The following TMEM74 variants were observed in gnomAD, a reference collection of about 807,000 sequenced individuals.
TMEM74 encodes the protein transmembrane protein 74.
A neutral mutation model predicts 18.1 loss-of-function variants in TMEM74; 13 were observed. That is an observed-to-expected ratio of 0.72 (90% CI 0.47 to 1.14). TMEM74 has a LOEUF of 1.14. Ranked by LOEUF, TMEM74 falls within the 50% of genes most tolerant of loss-of-function variation. The pLI is 0.00. For synonymous variants in TMEM74, 159 were observed against 146.6 expected (o/e 1.08, Z -0.61); for missense variants, 372 against 375.9 (o/e 0.99, Z 0.09).
At chr8:108,631,084 GGACATGGGA>G (rs1311909939) in intron 2 of TMEM74, among the ~76,000 whole-genome samples, 9 of 151,974 alleles carry the variant, frequency 5.9e-5, no homozygotes, top group Non-Finnish European at 1.2e-4. Flanking sequence ...AAAGCCACTT[GGACATGGGA>G]AGAACACTAC....
At chr8:108,673,875 T>C (rs1813028063) in intron 1 of TMEM74, among the ~76,000 whole-genome samples, 1 of 152,222 alleles carries the variant, frequency 6.6e-6, no homozygotes, top group Non-Finnish European at 1.5e-5. Flanking sequence ...TACTGGATAG[T>C]ATTTAGCCTA....
At chr8:108,644,734 C>T (rs1812700243) in intron 2 of TMEM74, among the ~76,000 whole-genome samples, 1 of 151,998 alleles carries the variant, frequency 6.6e-6, no homozygotes, top group African/African-American at 2.4e-5. Flanking sequence ...CAGTGGCCAA[C>T]AAACATATGA....
rs565841351 is a variant in TMEM74, at chr8:108,725,251, A to G, written n.119+62225T>C. On this transcript the variant is annotated intron_variant and non_coding_transcript_variant, in intron 1 of 3. Transcript: ENST00000518838. ...AAGAATGTCATCTTGTTTTGTCTTT[A>G]TGATAGCTCTTAGCACTACCAAAAC... is the stretch of plus-strand genomic sequence containing the variant. Among the ~76,000 whole-genome samples, 5 of 152,260 alleles carry G rather than the reference A, an allele frequency of 3.3e-5. No individual in the cohort carries two copies. In the South Asian group the frequency reaches 1.0e-3, roughly 32 times the overall value.
chr8:108,658,208 C>A (rs1178304746), intron 1 of TMEM74, among the ~76,000 whole-genome samples: 1 of 151,854 alleles, frequency 6.6e-6, no homozygotes, highest in Non-Finnish European at 1.5e-5. Flanking sequence ...GGGATTTCAG[C>A]AAATCATACA....
intron 1 of TMEM74, among the ~76,000 whole-genome samples, chr8:108,690,124 G>A (rs1353048806): frequency 6.7e-6 from 1 of 149,768 alleles, no homozygotes; most frequent in African/African-American, 2.4e-5. Flanking sequence ...TATGTATGTA[G>A]TGCTACTCAG....
intron 1 of TMEM74, among the ~76,000 whole-genome samples, chr8:108,685,173 G>A (rs1245119733): frequency 6.6e-6 from 1 of 151,830 alleles, no homozygotes; most frequent in Non-Finnish European, 1.5e-5. Context: ...TTATTCCCAG[G>A]TATTTTGTTT....
At chr8:108,660,687 C>T (rs900456838) in intron 1 of TMEM74, among the ~76,000 whole-genome samples, 5 of 152,118 alleles carry the variant, frequency 3.3e-5, no homozygotes, top group African/African-American at 1.2e-4. Context: ...ATGACTTAAA[C>T]ACATCATTCA....
intron 1 of TMEM74, among the ~76,000 whole-genome samples, chr8:108,736,644 C>G (rs1813752392): frequency 6.6e-6 from 1 of 151,458 alleles, no homozygotes; most frequent in African/African-American, 2.4e-5. Context: ...AGGGAAGACG[C>G]TGTCTCAAAA....
chr8:108,739,925 A>G (rs73309864), intron 1 of TMEM74, among the ~76,000 whole-genome samples: 6,833 of 152,142 alleles, frequency 0.045, 338 homozygotes, highest in African/African-American at 0.12. Flanking sequence ...GGGCCATCGC[A>G]ATCGTGGAGG....
rs1264047137 is a variant in TMEM74, at chr8:108,784,436, A to T, written c.663T>A (p.Ser221Arg). 1 of 1,613,922 alleles carries T rather than the reference A, an allele frequency of 6.2e-7. No homozygotes were observed. Among genetic ancestry groups the T allele is most frequent in the Non-Finnish European group, 8.5e-7 (1 of 1,180,000 alleles). Residue 221 changes from serine to arginine, a missense_variant, in exon 2 of 2, where the codon AGT becomes AGA. Coordinates refer to ENST00000297459, the MANE Select transcript of TMEM74 (RefSeq NM_153015.3). ...GGTCCAGGTGAGCCCCCAGCCTCGC[A>T]CTCTCCTTCTCCAGGCGCTCCATCT... The part of the protein sequence containing the change: ...AREMERLEKE[S>R]ARLGAHLDRC...
At chr8:108,651,107 T>C (rs1586247706) in intron 2 of TMEM74, among the ~76,000 whole-genome samples, 1 of 152,136 alleles carries the variant, frequency 6.6e-6, no homozygotes, top group Non-Finnish European at 1.5e-5. Context: ...TAGCGCTTAC[T>C]ACCATCTAAC....
chr8:108,736,915 T>C (rs1030866082), intron 1 of TMEM74, among the ~76,000 whole-genome samples: 11 of 152,262 alleles, frequency 7.2e-5, no homozygotes, highest in Admixed American at 5.2e-4. Context: ...TATTGCAGCT[T>C]AGGCCAATTT....
intron 2 of TMEM74, among the ~76,000 whole-genome samples, chr8:108,647,655 C>T (rs1394129064): frequency 3.9e-5 from 6 of 152,012 alleles, no homozygotes; most frequent in Non-Finnish European, 7.4e-5. Context: ...TTTCTTAATA[C>T]ATGTATTCAA....
intron 1 of TMEM74, among the ~76,000 whole-genome samples, chr8:108,764,752 C>A (rs1405491183): frequency 6.6e-6 from 1 of 152,142 alleles, no homozygotes; most frequent in Non-Finnish European, 1.5e-5. Context: ...AGCTCTTCTT[C>A]CAGCTCATCC....
intron 1 of TMEM74, among the ~76,000 whole-genome samples, chr8:108,707,880 G>A (rs570197126): frequency 6.6e-6 from 1 of 152,214 alleles, no homozygotes; most frequent in South Asian, 2.1e-4. Flanking sequence ...TACCAGCAAA[G>A]GATGTTTTAA....
chr8:108,662,796 G>T (rs1450552102), intron 1 of TMEM74, among the ~76,000 whole-genome samples: 2 of 152,126 alleles, frequency 1.3e-5, no homozygotes, highest in African/African-American at 2.4e-5. Context: ...AAAGCAGCTT[G>T]GGCATCACCT....
intron 2 of TMEM74, among the ~76,000 whole-genome samples, chr8:108,611,772 C>A (rs1812336517): frequency 6.6e-6 from 1 of 152,106 alleles, no homozygotes; most frequent in Non-Finnish European, 1.5e-5. Flanking sequence ...GAAGGTATAT[C>A]TTCAAATACT....
At chr8:108,621,899 A>G (rs1488895838) in intron 2 of TMEM74, among the ~76,000 whole-genome samples, 2 of 152,124 alleles carry the variant, frequency 1.3e-5, no homozygotes, top group African/African-American at 2.4e-5. Context: ...GGCACAAAAT[A>G]AGCACTCAAG....
At chr8:108,627,217 C>T (rs1297608963) in intron 2 of TMEM74, among the ~76,000 whole-genome samples, 1 of 151,984 alleles carries the variant, frequency 6.6e-6, no homozygotes, top group African/African-American at 2.4e-5. Context: ...AGATTGACCT[C>T]CCTCCTCCCA....
Sources: allele counts gnomAD v4.1 joint callset (sites outside exome capture counted in the v4.1 genomes callset), GRCh38; gene constraint gnomAD v4.1.1; transcripts MANE v1.5; gene names NCBI Gene and HGNC (gene_info 2026-07-23, HGNC 2026-07-21).